The following SPATA16 variants were observed in gnomAD, a reference collection of about 807,000 sequenced individuals.
The protein encoded by SPATA16 is spermatogenesis associated 16, also known as spermatogenesis-associated protein 16.
In SPATA16, 36 loss-of-function variants were observed where a neutral mutation model predicts 63.3. The ratio of observed to expected loss-of-function variants is 0.57; its 90% CI spans 0.44 to 0.75. The LOEUF is 0.75. Among genes scored for constraint, SPATA16 ranks in the 30% least tolerant of loss-of-function variants. SPATA16 has a pLI of 0.00. For missense variants in SPATA16, 646 were observed against 679.3 expected, an observed-to-expected ratio of 0.95 and a Z score of 0.54; for synonymous variants, 203 against 216.7, an observed-to-expected ratio of 0.94 and a Z score of 0.56.
rs532943952 is a variant in SPATA16 at position 173,083,332 on chromosome 3, G to A, written c.612+33788C>T. ...CAGAAAACTAGAAACATTTTAAATCGCCAGGAATTGGGAAATAGTTATATC... is the reference window on the plus strand; with the variant it reads ...CAGAAAACTAGAAACATTTTAAATCACCAGGAATTGGGAAATAGTTATATC... On this transcript the variant is annotated intron_variant, in intron 2 of 10. Coordinates refer to ENST00000351008, the MANE Select transcript of SPATA16 (RefSeq NM_031955.6). Among the ~76,000 whole-genome samples, 3 of 152,024 alleles carry A rather than the reference G, an allele frequency of 2.0e-5. No individual in the cohort carries two copies. In the East Asian group the frequency reaches 5.8e-4, roughly 29 times the overall value.
At chr3:173,005,166 A>G (rs1175607024) in intron 4 of SPATA16, among the ~76,000 whole-genome samples, 1 of 151,894 alleles carries the variant, frequency 6.6e-6, no homozygotes, top group African/African-American at 2.4e-5. Context: ...ACTAAAACAC[A>G]CAAAAACGTC....
At position 172,889,560 on chromosome 3, in the gene SPATA16, T is replaced by C; in HGVS notation, c.*10A>G. 1.2e-6 allele frequency: 2 copies of C among 1,613,594 alleles called. No homozygotes were observed. The highest frequency in any genetic ancestry group is 1.7e-6 in the Non-Finnish European group (2 of 1,179,826). ...GGGATATCTTAGTGGTAGTGCCTGC[T>C]CCCTAATGACTACCTTTGCTGAACA... On this transcript the variant is annotated 3_prime_UTR_variant, in exon 11 of 11. Coordinates refer to ENST00000351008, the MANE Select transcript of SPATA16 (RefSeq NM_031955.6).
At chr3:173,041,759 A>G (rs1440416497) in intron 3 of SPATA16, among the ~76,000 whole-genome samples, 2 of 151,230 alleles carry the variant, frequency 1.3e-5, no homozygotes, top group African/African-American at 4.9e-5. Context: ...TTAAACCCTC[A>G]GTTCTGGTAA....
At chr3:173,011,484 G>A (rs760884358) in intron 4 of SPATA16, among the ~76,000 whole-genome samples, 1 of 152,118 alleles carries the variant, frequency 6.6e-6, no homozygotes, top group Non-Finnish European at 1.5e-5. Context: ...CATTCAGGGT[G>A]GTATGGCTGT....
At chr3:172,911,643 A>T (rs929359733) in intron 10 of SPATA16, among the ~76,000 whole-genome samples, 8 of 152,188 alleles carry the variant, frequency 5.3e-5, no homozygotes, top group Non-Finnish European at 1.0e-4. Flanking sequence ...AGCTGCTCCT[A>T]TGAGAGTGTC....
intron 6 of SPATA16, among the ~76,000 whole-genome samples, chr3:172,941,633 G>T (rs77965878): frequency 6.6e-6 from 1 of 152,168 alleles, no homozygotes; most frequent in Non-Finnish European, 1.5e-5. Flanking sequence ...AATCAGAAAT[G>T]AAGGGAGTAT....
intron 2 of SPATA16, among the ~76,000 whole-genome samples, chr3:173,090,711 G>A (rs1412109574): frequency 6.6e-6 from 1 of 152,170 alleles, no homozygotes; most frequent in Non-Finnish European, 1.5e-5. Flanking sequence ...AGTTTGTCAT[G>A]CTCCTTGGCA....
chr3:173,047,458 T>G (rs1187798585), intron 3 of SPATA16, among the ~76,000 whole-genome samples: 1 of 152,018 alleles, frequency 6.6e-6, no homozygotes, highest in African/African-American at 2.4e-5. Flanking sequence ...GCATCTCAAT[T>G]TATTATTGTT....
Position 173,123,202 on chromosome 3 carries a change from C to T in SPATA16, c.-18-5453G>A, listed in dbSNP as rs186778052. ...ATAATAATAACAACCAACAGGTACT[C>T]TCAGTTTATGAAGTTATCTCACTGG... On this transcript the variant is annotated intron_variant, in intron 1 of 10. Transcript: ENST00000351008. 1.2e-3 allele frequency among the ~76,000 whole-genome samples: 178 copies of T among 152,312 alleles called. 1 individual carries two copies. The highest frequency in any genetic ancestry group is 4.1e-3 in the African/African-American group (170 of 41,560).
intron 2 of SPATA16, among the ~76,000 whole-genome samples, chr3:173,103,002 C>T (rs1737532569): frequency 6.6e-6 from 1 of 152,194 alleles, no homozygotes; most frequent in Admixed American, 6.5e-5. Context: ...CTATATGCCC[C>T]ATGCATGTCT....
chr3:173,088,993 A>G (rs114507969), intron 2 of SPATA16, among the ~76,000 whole-genome samples: 400 of 152,288 alleles, frequency 2.6e-3, no homozygotes, highest in African/African-American at 9.1e-3. Context: ...CCAAGGATGA[A>G]CGGACCACCC....
At chr3:173,061,732 A>G (rs1032481670) in intron 2 of SPATA16, among the ~76,000 whole-genome samples, 3 of 152,214 alleles carry the variant, frequency 2.0e-5, no homozygotes, top group Non-Finnish European at 2.9e-5. Flanking sequence ...TTGTTACTTG[A>G]AAGAGGAATG....
At position 173,030,284 on chromosome 3, in the gene SPATA16, A is replaced by G. The variant is rs569859001; in HGVS notation, c.759-10709T>C. Among the ~76,000 whole-genome samples the G allele has an allele frequency of 1.1e-4, 16 of 152,278 alleles. No homozygotes were observed. In the South Asian group the frequency reaches 3.1e-3, roughly 30 times the overall value. On this transcript the variant is annotated intron_variant, in intron 3 of 10. Transcript: ENST00000351008. Reference sequence around the variant, plus strand: ...ATCAAAGGACAATATAAACAGAGTAACACAGCAGCCCACAGAATGGGAGAA... The same window carrying G: ...ATCAAAGGACAATATAAACAGAGTAGCACAGCAGCCCACAGAATGGGAGAA...
chr3:173,007,828 G>C (rs900888127), intron 4 of SPATA16, among the ~76,000 whole-genome samples: 1 of 151,124 alleles, frequency 6.6e-6, no homozygotes, highest in African/African-American at 2.4e-5. Flanking sequence ...AAATGATTTA[G>C]GACAAAATTT....
chr3:172,943,464 T>C (rs1459037093), intron 6 of SPATA16, among the ~76,000 whole-genome samples: 2 of 152,176 alleles, frequency 1.3e-5, no homozygotes, highest in Non-Finnish European at 2.9e-5. Context: ...GGAACAGGGA[T>C]GGATTTCTTA....
At chr3:173,008,710 A>G (rs1231317078) in intron 4 of SPATA16, among the ~76,000 whole-genome samples, 1 of 152,162 alleles carries the variant, frequency 6.6e-6, no homozygotes, top group Non-Finnish European at 1.5e-5. Flanking sequence ...ATAAATTTTT[A>G]AACTTCCAAA....
At chr3:172,937,610 T>G (rs1021617938) in intron 6 of SPATA16, among the ~76,000 whole-genome samples, 3 of 152,122 alleles carry the variant, frequency 2.0e-5, no homozygotes, top group Non-Finnish European at 2.9e-5. Context: ...ACCTTTAAGA[T>G]CTCTGATTAC....
intron 6 of SPATA16, among the ~76,000 whole-genome samples, chr3:172,940,096 T>A (rs1429379466): frequency 6.6e-6 from 1 of 152,180 alleles, no homozygotes; most frequent in African/African-American, 2.4e-5. Flanking sequence ...TCCACATCTC[T>A]CACCCCTACT....
At chr3:173,030,139 TA>T (rs891905245) in intron 3 of SPATA16, among the ~76,000 whole-genome samples, 2 of 151,268 alleles carry the variant, frequency 1.3e-5, no homozygotes, top group Admixed American at 1.3e-4. Context: ...TATTCTGTCC[TA>T]GGAAGGGATT....
Sources: allele counts gnomAD v4.1 joint callset (sites outside exome capture counted in the v4.1 genomes callset), GRCh38; gene constraint gnomAD v4.1.1; transcripts MANE v1.5; gene names NCBI Gene and HGNC (gene_info 2026-07-23, HGNC 2026-07-21).